POU2F2: variants seen among roughly 807,000 people sequenced by gnomAD.
The protein encoded by POU2F2 is POU domain, class 2, transcription factor 2.
Under a neutral mutation model 63.5 loss-of-function variants are expected in POU2F2, and 14 were observed. That is an observed-to-expected ratio of 0.22 (90% CI 0.15 to 0.34). The LOEUF (loss-of-function observed/expected upper bound fraction) is 0.34. Ranked by LOEUF, POU2F2 falls within the 10% of genes least tolerant of loss-of-function variation. The pLI is 1.00. For missense variants in POU2F2, 607 were observed against 815.2 expected (o/e 0.74, Z 3.11); for synonymous variants, 306 against 348.6 (o/e 0.88, Z 1.36).
Position 42,087,530 on chromosome 19 carries a change from C to T in POU2F2, c.*3727G>A. On this transcript the variant is annotated 3_prime_UTR_variant, in exon 15 of 15. Transcript: ENST00000692977. Reference sequence around the variant, plus strand: ...TGGGTTCCCCATCCCTACCCACCCCCACACACACACCCACCCCACCCCCCA... The same window carrying T: ...TGGGTTCCCCATCCCTACCCACCCCTACACACACACCCACCCCACCCCCCA... The T allele has an allele frequency of 6.7e-6, 1 of 150,280 alleles. No homozygotes were observed. The highest frequency in any genetic ancestry group is 2.0e-4 in the East Asian group (1 of 5,110). 9.3% of individuals were successfully genotyped at this position (150,280 alleles called of 1,614,324 possible). A position where few individuals can be genotyped will look rare whatever the true frequency, so the allele number is the denominator to read the frequency against.
rs376169095 is a variant in POU2F2 at position 42,095,502 on chromosome 19, G to C, written c.1021-40C>G. ...CTCGTTAGCCCGAGGCCCACCGCCC[G>C]CCACCCCTCAGGTGAGGGCCACCCA... On this transcript the variant is annotated intron_variant, in intron 10 of 14. Transcript: ENST00000692977. This position sits in a 1 kb window ranked among gnomAD's most constrained non-coding sequence, Gnocchi z 7.1. 1.2e-6 allele frequency: 2 copies of C among 1,604,100 alleles called. No individual in the cohort carries two copies. The highest frequency in any genetic ancestry group is 3.4e-5 in the Admixed American group (2 of 59,276).
chr19:42,162,945 G>C lies in POU2F2; in HGVS notation c.-69-2553C>G, dbSNP rs1194116843. Among the ~76,000 whole-genome samples the C allele has an allele frequency of 6.6e-6, 1 of 152,140 alleles. No homozygotes were observed. Among genetic ancestry groups the C allele is most frequent in the Non-Finnish European group, 1.5e-5 (1 of 68,022 alleles). On this transcript the variant is annotated intron_variant, in intron 1 of 6. Coordinates refer to the POU2F2 transcript ENST00000524801. This position sits in a 1 kb window ranked among gnomAD's most constrained non-coding sequence, Gnocchi z 4.1. ...GGTCATGCACCAGGGGTGGGTCATT[G>C]CTCTGCAGGTGTGATCTCTCAGCAT...
At chr19:42,193,396 A>G (rs898638024) in intron 1 of POU2F2, among the ~76,000 whole-genome samples, 4 of 152,168 alleles carry the variant, frequency 2.6e-5, no homozygotes, top group African/African-American at 9.7e-5. Context: ...GCAATCACAT[A>G]TACCCTTCTA....
At chr19:42,122,765 G>C (rs1175492917) in intron 1 of POU2F2, among the ~76,000 whole-genome samples, 189 bp from the exon 2 acceptor site, 1 of 152,140 alleles carries the variant, frequency 6.6e-6, no homozygotes, top group Non-Finnish European at 1.5e-5. Context: ...GGCAAGATGA[G>C]ACACAGCACT....
intron 1 of POU2F2, among the ~76,000 whole-genome samples, chr19:42,195,222 A>G (rs915478542): frequency 1.3e-5 from 2 of 151,504 alleles, no homozygotes; most frequent in Admixed American, 6.6e-5. Context: ...TGGCTCCCTG[A>G]TATCCCCCAG....
chr19:42,129,507 G>A (rs1354795473), intron 1 of POU2F2, among the ~76,000 whole-genome samples: 1 of 152,130 alleles, frequency 6.6e-6, no homozygotes, highest in Non-Finnish European at 1.5e-5. Flanking sequence ...AGTTTTAGCA[G>A]ACTTAGGCCA....
chr19:42,182,242 A>G (rs936031012), intron 1 of POU2F2, among the ~76,000 whole-genome samples: 2 of 125,996 alleles, frequency 1.6e-5, no homozygotes, highest in Admixed American at 1.7e-4. Context: ...TCTGTCTCAA[A>G]AGAGAGAGAG....
At chr19:42,133,342 ACCT>A (rs922471410), upstream of POU2F2, 12 of 151,272 alleles carry the variant, frequency 7.9e-5, no homozygotes, top group Admixed American at 2.0e-4. The surrounding 1 kb of genome is among the most constrained non-coding windows in gnomAD (Gnocchi z 5.1). Context: ...CCCTCCCAAC[ACCT>A]CCGCTCGCAC....
At chr19:42,135,497 CAA>C (rs1251837967), upstream of POU2F2, among the ~76,000 whole-genome samples, 1 of 151,912 alleles carries the variant, frequency 6.6e-6, no homozygotes, top group Admixed American at 6.6e-5. Context: ...AACACATACA[CAA>C]AGAGATGTGT....
intron 1 of POU2F2, among the ~76,000 whole-genome samples, chr19:42,186,968 G>A (rs539733071): frequency 4.9e-4 from 75 of 152,272 alleles, no homozygotes; most frequent in Admixed American, 8.5e-4. Flanking sequence ...ATCCAGCAAA[G>A]AGTTATATTA....
At chr19:42,135,955 C>T (rs2034002436), upstream of POU2F2, among the ~76,000 whole-genome samples, 1 of 152,124 alleles carries the variant, frequency 6.6e-6, no homozygotes, top group Non-Finnish European at 1.5e-5. Context: ...ATGTGATCCA[C>T]ACACCTCAGC....
intron 1 of POU2F2, among the ~76,000 whole-genome samples, chr19:42,127,081 G>A (rs922614936): frequency 4.0e-5 from 6 of 151,664 alleles, no homozygotes; most frequent in African/African-American, 1.5e-4. Flanking sequence ...CACATCCAGG[G>A]ACTACAGCTG....
At position 42,095,999 on chromosome 19, in the gene POU2F2, G is replaced by A. The variant is rs973362423; in HGVS notation, c.730-70C>T. ...TTCCGGCACTGGGCCCGCTCCGCCC[G>A]CCCACTGGCCACGCCCCTCGCGGCA... On this transcript the variant is annotated intron_variant, in intron 8 of 14. Coordinates refer to ENST00000692977, the MANE Select transcript of POU2F2 (RefSeq NM_001394376.1). The surrounding 1 kb of genome is among the most constrained non-coding windows in gnomAD (Gnocchi z 7.1). 6.3e-7 allele frequency: 1 copy of A among 1,591,456 alleles called. No individual in the cohort carries two copies. Among genetic ancestry groups the A allele is most frequent in the South Asian group, 1.1e-5 (1 of 88,658 alleles).
chr19:42,120,467 C>T (rs1686223989), intron 4 of POU2F2, among the ~76,000 whole-genome samples: 2 of 152,158 alleles, frequency 1.3e-5, no homozygotes, highest in Admixed American at 6.5e-5. Context: ...GTGATCTGCC[C>T]GCTTTGTCTC....
At chr19:42,125,136 T>C (rs1256108363) in intron 1 of POU2F2, among the ~76,000 whole-genome samples, 2 of 152,114 alleles carry the variant, frequency 1.3e-5, no homozygotes, top group African/African-American at 4.8e-5. Context: ...GGCAGGTAGA[T>C]CACTTGAGGC....
At chr19:42,195,303 C>A (rs1216475971) in intron 1 of POU2F2, among the ~76,000 whole-genome samples, 2 of 149,326 alleles carry the variant, frequency 1.3e-5, no homozygotes, top group Non-Finnish European at 3.0e-5. Context: ...TCCTTCATTT[C>A]CTTCCCTTCC....
chr19:42,104,937 C>G (rs2077280338), intron 5 of POU2F2, among the ~76,000 whole-genome samples: 1 of 152,158 alleles, frequency 6.6e-6, no homozygotes, highest in Non-Finnish European at 1.5e-5. Context: ...CCTGACCTCT[C>G]TAACTCTTGC....
chr19:42,111,890 A>T (rs1344745115), intron 5 of POU2F2, among the ~76,000 whole-genome samples: 1 of 152,214 alleles, frequency 6.6e-6, no homozygotes, highest in African/African-American at 2.4e-5. Context: ...GTAGGGGCAG[A>T]GGAGTGGCCG....
chr19:42,105,066 G>A (rs2077285705), intron 5 of POU2F2, among the ~76,000 whole-genome samples: 1 of 152,022 alleles, frequency 6.6e-6, no homozygotes, highest in Admixed American at 6.5e-5. Context: ...CACCTCCATG[G>A]TCACCTCCCT....
Sources: allele counts gnomAD v4.1 joint callset (sites outside exome capture counted in the v4.1 genomes callset), GRCh38; gene constraint gnomAD v4.1.1; non-coding constraint Gnocchi (gnomAD v3.1); transcripts MANE v1.5; gene names NCBI Gene and HGNC (gene_info 2026-07-23, HGNC 2026-07-21).